The following PCSK5 variants were observed in gnomAD, a reference collection of about 807,000 sequenced individuals.
PCSK5 encodes the protein prohormone convertase 5.
PCSK5 carries 129 observed loss-of-function variants against 233.2 expected under a neutral mutation model. The ratio of observed to expected loss-of-function variants is 0.55; its 90% CI spans 0.48 to 0.64. The LOEUF is 0.64. Ranked by LOEUF, PCSK5 falls within the 30% of genes least tolerant of loss-of-function variation. PCSK5 has a pLI of 0.00. For synonymous variants in PCSK5, 825 were observed against 879.2 expected, an observed-to-expected ratio of 0.94 and a Z score of 1.09; for missense variants, 2,076 against 2,430.1, an observed-to-expected ratio of 0.85 and a Z score of 3.06.
At chr9:76,003,809 CTT>C (rs568842652) in intron 3 of PCSK5, among the ~76,000 whole-genome samples, 1 of 127,334 alleles carries the variant, frequency 7.9e-6, no homozygotes, top group South Asian at 2.3e-4. Context: ...ATCTCTCTCT[CTT>C]TTATTTATTT....
chr9:76,110,007 T>A (rs1312204732), intron 9 of PCSK5, among the ~76,000 whole-genome samples: 1 of 152,202 alleles, frequency 6.6e-6, no homozygotes, highest in Non-Finnish European at 1.5e-5. Context: ...TCCTTGTATA[T>A]GTGCCTCACT....
intron 1 of PCSK5, among the ~76,000 whole-genome samples, chr9:75,907,953 G>T (rs1420969099): frequency 6.6e-6 from 1 of 152,204 alleles, no homozygotes; most frequent in Non-Finnish European, 1.5e-5. Context: ...TCATGGCAGG[G>T]CCTAGCCGGA....
intron 1 of PCSK5, among the ~76,000 whole-genome samples, chr9:75,921,188 G>T (rs1044064092): frequency 5.9e-5 from 9 of 152,142 alleles, no homozygotes; most frequent in African/African-American, 1.9e-4. Flanking sequence ...CTGCATATTA[G>T]AATCACCTAG....
intron 35 of PCSK5, among the ~76,000 whole-genome samples, chr9:76,345,178 T>C (rs1273729435): frequency 6.6e-6 from 1 of 150,812 alleles, no homozygotes; most frequent in Non-Finnish European, 1.5e-5. Context: ...CCTTATTTTA[T>C]TTTATTATTT....
rs542739315 is a variant in PCSK5, at chr9:76,173,285, G to C, written c.1757-1701G>C. ...TAGGTGCTCATAGATGAAGGAAGCT[G>C]ACAAGCTGAAATCCGTCACTTTCTG... On this transcript the variant is annotated intron_variant, in intron 13 of 37. Coordinates refer to ENST00000674117, the MANE Select transcript of PCSK5 (RefSeq NM_001372043.1). Among the ~76,000 whole-genome samples, 12 of 152,244 alleles carry C rather than the reference G, an allele frequency of 7.9e-5. No homozygotes were observed. In the South Asian group the frequency reaches 2.3e-3, roughly 29 times the overall value.
Position 76,323,081 on chromosome 9 carries a change from G to T in PCSK5, c.4132G>T (p.Asp1378Tyr), listed in dbSNP as rs1165820986. 6.2e-7 allele frequency: 1 copy of T among 1,607,662 alleles called. No homozygotes were observed. The change falls in exon 32 of 38, where the codon GAT (aspartate) becomes TAT (tyrosine). Residue 1378 changes from aspartate (D) to tyrosine (Y), a missense_variant. Asp to Tyr is a radical substitution (Grantham distance 160). Around this residue, in one of 6 missense-constraint regions of PCSK5, gnomAD observed 1,510 missense variants for 1,538.1 expected, o/e 0.98. Coordinates refer to ENST00000674117, the MANE Select transcript of PCSK5 (RefSeq NM_001372043.1). ...CACGCCTGAGTTCTTCCTGCACGAT[G>T]ATATGTGCCACCAGTCCTGTCCCCG... is the stretch of plus-strand genomic sequence containing the variant. ...ECTPEFFLHDDMCHQSCPRGF... is the reference protein window; with the variant it reads ...ECTPEFFLHDYMCHQSCPRGF...
intron 32 of PCSK5, among the ~76,000 whole-genome samples, chr9:76,325,242 C>G (rs764566298): frequency 6.6e-6 from 1 of 152,070 alleles, no homozygotes; most frequent in South Asian, 2.1e-4. Context: ...CTTGCCTCTG[C>G]GAGGGCAGGA....
rs867762769 is a variant in PCSK5, at chr9:76,096,054, C to T, written c.1059C>T (p.Ser353=). ...CTTGGTACCTGGAAGAGTGTTCATC[C>T]ACGCTGGCCACAACCTACAGCAGCG... The part of the protein sequence containing the change: ...KKPWYLEECS[S]TLATTYSSGE... Residue 353 remains serine (S), a synonymous_variant, in exon 8 of 38, where the codon TCC becomes TCT. Coordinates refer to ENST00000674117, the MANE Select transcript of PCSK5 (RefSeq NM_001372043.1). 6.2e-7 allele frequency: 1 copy of T among 1,614,108 alleles called. No homozygotes were observed. Among genetic ancestry groups the T allele is most frequent in the Non-Finnish European group, 8.5e-7 (1 of 1,180,016 alleles).
At chr9:76,289,919 C>T (rs1474585055) in intron 24 of PCSK5, among the ~76,000 whole-genome samples, 1 of 152,170 alleles carries the variant, frequency 6.6e-6, no homozygotes, top group African/African-American at 2.4e-5. Context: ...CTCAAGATGG[C>T]ATTGGTATGC....
chr9:76,316,561 CAA>C (rs112529561), intron 30 of PCSK5, among the ~76,000 whole-genome samples: 1 of 138,024 alleles, frequency 7.2e-6, no homozygotes. Context: ...CCCATCTCTA[CAA>C]AAAAAAAAAG....
chr9:76,051,265 A>G (rs1829619772), intron 5 of PCSK5, among the ~76,000 whole-genome samples: 1 of 152,202 alleles, frequency 6.6e-6, no homozygotes, highest in Admixed American at 6.5e-5. Flanking sequence ...TAATTTTTCC[A>G]AACATGAGGA....
At chr9:75,983,802 G>A (rs1826380127) in intron 2 of PCSK5, among the ~76,000 whole-genome samples, 1 of 152,066 alleles carries the variant, frequency 6.6e-6, no homozygotes, top group Non-Finnish European at 1.5e-5. Context: ...CATAACCTCT[G>A]GCTTTTTCCT....
intron 7 of PCSK5, among the ~76,000 whole-genome samples, chr9:76,093,759 C>A (rs576775913): frequency 9.6e-4 from 146 of 152,134 alleles, no homozygotes; most frequent in African/African-American, 3.4e-3. Context: ...TAACACAGCC[C>A]CTCAGTGTCT....
In PCSK5 at chr9:76,332,548, C is replaced by A. The variant is rs747526172; in HGVS notation, c.4686C>A (p.Cys1562Ter). The A allele has an allele frequency of 6.2e-7, 1 of 1,612,038 alleles. No individual in the cohort carries two copies. Among genetic ancestry groups the A allele is most frequent in the East Asian group, 2.2e-5 (1 of 44,834 alleles). The change falls in exon 34 of 38, where the codon TGC becomes TGA. Residue 1562 changes from cysteine to a stop codon, truncating the protein, a stop_gained. Coordinates refer to ENST00000674117, the MANE Select transcript of PCSK5 (RefSeq NM_001372043.1). LOFTEE classifies it high-confidence loss of function. ...GTGAAGGGAGACACAGCAGGCAGTG[C>A]CACTCCTGCCGACCGGGCTGGTTCC... ...RTCEGRHSRQ[C>*]HSCRPGWFQL... is the part of the protein sequence containing the mutation.
At chr9:76,233,672 C>A in intron 22 of PCSK5, 76 bp downstream of exon 22, 1 of 1,392,666 alleles carries the variant, frequency 7.2e-7, no homozygotes, top group Non-Finnish European at 1.0e-6. Context: ...TGGTTTGACC[C>A]AAAAGCCTTG....
chr9:76,160,383 T>G (rs1222292998), intron 12 of PCSK5, among the ~76,000 whole-genome samples: 3 of 152,184 alleles, frequency 2.0e-5, no homozygotes, highest in Non-Finnish European at 4.4e-5. Context: ...TGATCCTCGT[T>G]CTCATGGTGG....
At chr9:76,351,447 G>GAAAGGAAAGAAGAAA (rs1491332963) in intron 36 of PCSK5, among the ~76,000 whole-genome samples, 1,692 of 27,338 alleles carry the variant, frequency 0.062, 389 homozygotes, top group Middle Eastern at 0.13. Flanking sequence ...GTGAAAGAAA[G>GAAAGGAAAGAAGAAA]GAAAGAAAGA....
intron 5 of PCSK5, among the ~76,000 whole-genome samples, chr9:76,040,371 C>CTCTGTCTCTCTG (rs1563988584): frequency 1.6e-4 from 10 of 62,336 alleles, no homozygotes; most frequent in East Asian, 6.7e-4. Flanking sequence ...CTCTCTCTCT[C>CTCTGTCTCTCTG]TCTCTCTCTC....
intron 24 of PCSK5, among the ~76,000 whole-genome samples, chr9:76,282,376 T>A (rs931497103): frequency 7.1e-6 from 1 of 140,252 alleles, no homozygotes; most frequent in Non-Finnish European, 1.5e-5. Context: ...CGAGACAGGG[T>A]TTTTGCAATC....
Sources: allele counts gnomAD v4.1 joint callset (sites outside exome capture counted in the v4.1 genomes callset), GRCh38; gene constraint gnomAD v4.1.1; regional missense constraint gnomAD v4.1.1; transcripts MANE v1.5; gene names NCBI Gene and HGNC (gene_info 2026-07-23, HGNC 2026-07-21).